The following CRISP1 variants were observed in gnomAD, a reference collection of about 807,000 sequenced individuals.
CRISP1 encodes cysteine-rich secretory protein 1.
In CRISP1, 44 loss-of-function variants were observed where a neutral mutation model predicts 33.1. The ratio of observed to expected loss-of-function variants is 1.33; its 90% CI spans 1.05 to 1.71. The LOEUF (loss-of-function observed/expected upper bound fraction) is 1.71, where lower values mean the gene tolerates loss of function less well. Among genes scored for constraint, CRISP1 ranks in the 40% most tolerant of loss-of-function variants. The pLI, the probability that CRISP1 is intolerant of heterozygous loss-of-function variation, is 0.00. For missense variants in CRISP1, 390 were observed against 301.2 expected, an observed-to-expected ratio of 1.29 and a Z score of -2.18; for synonymous variants, 103 against 98.7, an observed-to-expected ratio of 1.04 and a Z score of -0.26.
At chr6:49,862,377 T>TAATTCTAATTCTAATAGAA (rs1771676745) in intron 1 of CRISP1, among the ~76,000 whole-genome samples, 1 of 145,490 alleles carries the variant, frequency 6.9e-6, no homozygotes, top group Non-Finnish European at 1.5e-5. Flanking sequence ...AGAAGACTTC[T>TAATTCTAATTCTAATAGAA]GAAAATACAT....
intron 7 of CRISP1, among the ~76,000 whole-genome samples, chr6:49,837,294 A>G (rs1231551401): frequency 6.6e-6 from 1 of 152,192 alleles, no homozygotes; most frequent in South Asian, 2.1e-4. Context: ...GATATAATCA[A>G]TCTTCTTGAA....
chr6:49,873,028 C>T (rs966644467), intron 1 of CRISP1, among the ~76,000 whole-genome samples: 2 of 151,980 alleles, frequency 1.3e-5, no homozygotes, highest in East Asian at 3.9e-4. Context: ...TCTTCCTACC[C>T]ATGAGCATGG....
chr6:49,836,631 G>T (rs1418894055), intron 7 of CRISP1, among the ~76,000 whole-genome samples: 1 of 151,936 alleles, frequency 6.6e-6, no homozygotes, highest in East Asian at 1.9e-4. Context: ...GAGCCACCGC[G>T]CCCGGCCTAC....
upstream of CRISP1, among the ~76,000 whole-genome samples, chr6:49,871,273 A>G (rs991983351): frequency 1.3e-5 from 2 of 152,158 alleles, no homozygotes; most frequent in African/African-American, 4.8e-5. Context: ...AGTTTTGAAC[A>G]AAATAATTGC....
chr6:49,865,621 C>T (rs1208275812), intron 1 of CRISP1, among the ~76,000 whole-genome samples: 1 of 152,096 alleles, frequency 6.6e-6, no homozygotes, highest in Non-Finnish European at 1.5e-5. Flanking sequence ...GTAAGATTTC[C>T]ATAAGCAGTT....
At chr6:49,847,002 G>A (rs902352789) in intron 4 of CRISP1, among the ~76,000 whole-genome samples, 6 of 152,230 alleles carry the variant, frequency 3.9e-5, no homozygotes, top group Non-Finnish European at 7.4e-5. Context: ...TGGCTTAAAG[G>A]AAGCTACACA....
intron 2 of CRISP1, among the ~76,000 whole-genome samples, chr6:49,856,522 G>A (rs1453842653): frequency 6.6e-6 from 1 of 152,102 alleles, no homozygotes; most frequent in Non-Finnish European, 1.5e-5. Flanking sequence ...GAAGAAGAGT[G>A]AGTAATAGGA....
chr6:49,854,636 A>G (rs1771443274), intron 2 of CRISP1, among the ~76,000 whole-genome samples: 1 of 152,132 alleles, frequency 6.6e-6, no homozygotes, highest in South Asian at 2.1e-4. Context: ...TTTCCCTATC[A>G]ATATTCTGGA....
chr6:49,874,486 G>A (rs1220853931), intron 1 of CRISP1, among the ~76,000 whole-genome samples: 1 of 151,990 alleles, frequency 6.6e-6, no homozygotes, highest in Non-Finnish European at 1.5e-5. Context: ...CTGGGGTAGG[G>A]AAAACCACCA....
chr6:49,856,538 A>G (rs1189297619), intron 2 of CRISP1, among the ~76,000 whole-genome samples: 1 of 152,070 alleles, frequency 6.6e-6, no homozygotes, highest in Non-Finnish European at 1.5e-5. Flanking sequence ...TAGGAACCAA[A>G]TACCAAACCA....
At chr6:49,869,160 G>A (rs1292485919), upstream of CRISP1, among the ~76,000 whole-genome samples, 2 of 152,054 alleles carry the variant, frequency 1.3e-5, no homozygotes, top group South Asian at 4.1e-4. Context: ...TTGGTTTATG[G>A]TGCCTCATTG....
chr6:49,865,474 T>C (rs13201512), intron 1 of CRISP1, among the ~76,000 whole-genome samples: 28,606 of 152,190 alleles, frequency 0.19, 3,446 homozygotes, highest in Non-Finnish European at 0.26. Context: ...AAGTGTGCAG[T>C]CATATTTCTT....
chr6:49,851,955 C>A, intron 3 of CRISP1, 46 bp downstream of exon 3: 6 of 1,574,878 alleles, frequency 3.8e-6, no homozygotes, highest in Non-Finnish European at 5.2e-6. Context: ...CAGTAAACAC[C>A]ATTACTATTA....
rs146642599 is a variant in CRISP1, at chr6:49,873,183, A to T, written c.-3+3826T>A. 2.4e-4 allele frequency among the ~76,000 whole-genome samples: 37 copies of T among 152,152 alleles called. No individual in the cohort carries two copies. In the East Asian group the frequency reaches 6.4e-3, roughly 26 times the overall value. On this transcript the variant is annotated intron_variant, in intron 1 of 7. Transcript: ENST00000505118. ...ACTTAAGTATAAAAAATAAAAATAA[A>T]AAAATAAAATAAAATAAAAAGGGAT... is the stretch of plus-strand genomic sequence containing the variant.
At chr6:49,867,782 AT>A (rs1281506969), upstream of CRISP1, among the ~76,000 whole-genome samples, 45 of 152,300 alleles carry the variant, frequency 3.0e-4, no homozygotes, top group African/African-American at 9.9e-4. Flanking sequence ...TCTTTCATAG[AT>A]AAGATGAATT....
chr6:49,836,502 A>T (rs9381821), intron 7 of CRISP1, among the ~76,000 whole-genome samples: 43,754 of 148,596 alleles, frequency 0.29, 6,789 homozygotes, highest in East Asian at 0.61. Flanking sequence ...CGCCCTGCTA[A>T]TTTTTTTTTT....
chr6:49,860,218 T>C (rs774453837), intron 1 of CRISP1, among the ~76,000 whole-genome samples: 6 of 152,222 alleles, frequency 3.9e-5, no homozygotes, highest in Non-Finnish European at 5.9e-5. Context: ...ATCATCTATA[T>C]AGAAATTAAC....
At chr6:49,852,633 CA>C (rs1271793350) in intron 2 of CRISP1, among the ~76,000 whole-genome samples, 1 of 152,132 alleles carries the variant, frequency 6.6e-6, no homozygotes, top group Non-Finnish European at 1.5e-5. Flanking sequence ...GTTATTAACA[CA>C]AATTCTATGT....
chr6:49,866,040 T>C (rs933874124), intron 1 of CRISP1, among the ~76,000 whole-genome samples: 1 of 152,180 alleles, frequency 6.6e-6, no homozygotes, highest in Admixed American at 6.6e-5. Flanking sequence ...CCACTACCTG[T>C]TTGACTATGG....
Sources: allele counts gnomAD v4.1 joint callset (sites outside exome capture counted in the v4.1 genomes callset), GRCh38; gene constraint gnomAD v4.1.1; transcripts MANE v1.5; gene names NCBI Gene and HGNC (gene_info 2026-07-23, HGNC 2026-07-21).